Variants in ST3GAL2 observed in about 807,000 individuals in gnomAD.
ST3GAL2 encodes CMP-N-acetylneuraminate-beta-galactosamide-alpha-2,3-sialyltransferase 2.
A neutral mutation model predicts 37.5 loss-of-function variants in ST3GAL2; 16 were observed. The ratio of observed to expected loss-of-function variants is 0.43; its 90% CI spans 0.29 to 0.65. The LOEUF (loss-of-function observed/expected upper bound fraction) is 0.65. ST3GAL2 is among the 30% of genes least tolerant of loss of function. The pLI is 0.17. For missense variants in ST3GAL2, 383 were observed against 487.8 expected (o/e 0.79, Z 2.02); for synonymous variants, 238 against 202.9 (o/e 1.17, Z -1.47).
chr16:70,416,365 G>C (rs2047676773), intron 1 of ST3GAL2, among the ~76,000 whole-genome samples: 1 of 152,136 alleles, frequency 6.6e-6, no homozygotes, highest in Admixed American at 6.5e-5. Flanking sequence ...TCCCAAGCCA[G>C]AACTGGCCCA....
At chr16:70,394,642 C>T (rs894983514) in intron 3 of ST3GAL2, among the ~76,000 whole-genome samples, 8 of 152,150 alleles carry the variant, frequency 5.3e-5, no homozygotes, top group East Asian at 1.9e-4. Flanking sequence ...CCTCTCAAAG[C>T]GCTGGAATTA....
intron 3 of ST3GAL2, among the ~76,000 whole-genome samples, chr16:70,392,756 G>A (rs1361845193): frequency 3.3e-5 from 5 of 152,190 alleles, no homozygotes; most frequent in Admixed American, 6.5e-5. Flanking sequence ...ACTTGGATAT[G>A]TCTACAATTG....
At chr16:70,381,985 C>T (rs1441227338) in intron 6 of ST3GAL2, 123 bp from the exon 7 acceptor site, 3 of 1,306,282 alleles carry the variant, frequency 2.3e-6, no homozygotes, top group African/African-American at 2.9e-5. Flanking sequence ...AGCCCCCAGG[C>T]CTGGCCTAAG....
intron 1 of ST3GAL2, among the ~76,000 whole-genome samples, chr16:70,425,445 G>A (rs534581588): frequency 6.6e-6 from 1 of 152,054 alleles, no homozygotes; most frequent in South Asian, 2.1e-4. Flanking sequence ...CTGGGTGACA[G>A]AGTGAGACTC....
At chr16:70,400,172 G>C (rs1348131645) in intron 1 of ST3GAL2, 1 of 152,302 alleles carries the variant, frequency 6.6e-6, no homozygotes, top group Admixed American at 6.5e-5. Context: ...TGTACATTAT[G>C]GACAAAGTGA....
chr16:70,387,068 A>C (rs1212025410), intron 4 of ST3GAL2, among the ~76,000 whole-genome samples: 1 of 151,590 alleles, frequency 6.6e-6, no homozygotes, highest in Non-Finnish European at 1.5e-5. Context: ...AGCCTGGCCA[A>C]CATAGCGAAA....
chr16:70,388,450 G>A lies in ST3GAL2; in HGVS notation c.630C>T (p.Ala210=). 6.2e-7 allele frequency: 1 copy of A among 1,614,154 alleles called. No individual in the cohort carries two copies. Among genetic ancestry groups the A allele is most frequent in the South Asian group, 1.1e-5 (1 of 91,082 alleles). Residue 210 remains alanine (A), a synonymous_variant, in exon 4 of 7, where the codon GCC becomes GCT. Transcript: ENST00000342907. ...MYPESAKNLP[A]NVSFVLVPFK... Reference sequence around the variant, plus strand: ...AGGGCACCAGCACGAAGCTGACGTTGGCGGGCAGGTTCTTGGCACTCTCAG... The same window carrying A: ...AGGGCACCAGCACGAAGCTGACGTTAGCGGGCAGGTTCTTGGCACTCTCAG...
rs2047363775 is a variant in ST3GAL2 at position 70,378,155 on chromosome 16, G to GGT, written c.*3532_*3533dup. 6.6e-6 allele frequency: 1 copy of GGT among 152,092 alleles called. No homozygotes were observed. The highest frequency in any genetic ancestry group is 2.4e-5 in the African/African-American group (1 of 41,402). The allele number at this position is 152,092 out of a possible 1,614,324, so 9.4% of individuals were successfully genotyped here. ...AGTTTTAAAAATCTATTATGGGCTG[G>GGT]GTGTGGTCAAACATTGGGAGGCCAA... On this transcript the variant is annotated 3_prime_UTR_variant, in exon 7 of 7. Coordinates refer to ENST00000342907, the MANE Select transcript of ST3GAL2 (RefSeq NM_006927.4).
intron 3 of ST3GAL2, among the ~76,000 whole-genome samples, chr16:70,392,235 G>A (rs919853587): frequency 1.3e-5 from 2 of 152,220 alleles, no homozygotes; most frequent in African/African-American, 4.8e-5. Context: ...AGCCTCCAAG[G>A]GAAAGGGAAG....
At chr16:70,425,941 G>A (rs989346628) in intron 1 of ST3GAL2, among the ~76,000 whole-genome samples, 8 of 152,158 alleles carry the variant, frequency 5.3e-5, no homozygotes, top group African/African-American at 1.9e-4. Flanking sequence ...GATGGTGAGG[G>A]AGGCCCTGAC....
At chr16:70,426,319 G>T (rs562927623) in intron 1 of ST3GAL2, among the ~76,000 whole-genome samples, 1 of 147,034 alleles carries the variant, frequency 6.8e-6, no homozygotes, top group African/African-American at 2.5e-5. Context: ...TCAGCCTCCC[G>T]AGTAGCTGGG....
At chr16:70,422,099 T>G (rs1316167667) in intron 1 of ST3GAL2, among the ~76,000 whole-genome samples, 1 of 152,146 alleles carries the variant, frequency 6.6e-6, no homozygotes, top group Admixed American at 6.5e-5. Context: ...GATGGACCAA[T>G]GCTGGAGGAC....
At chr16:70,426,088 A>G (rs948361468) in intron 1 of ST3GAL2, among the ~76,000 whole-genome samples, 1 of 152,114 alleles carries the variant, frequency 6.6e-6, no homozygotes, top group Non-Finnish European at 1.5e-5. Flanking sequence ...AGTCCTCAGG[A>G]AAAAAGAACA....
intron 1 of ST3GAL2, among the ~76,000 whole-genome samples, chr16:70,433,928 C>G (rs917583778): frequency 6.6e-6 from 1 of 152,210 alleles, no homozygotes; most frequent in East Asian, 1.9e-4. Context: ...GGCCTGCACA[C>G]CCCCTCCAGC....
rs1274201564 is a variant in ST3GAL2 at position 70,381,389 on chromosome 16, TGAGG to T, written c.*296_*299del. On this transcript the variant is annotated 3_prime_UTR_variant, in exon 7 of 7. Coordinates refer to ENST00000342907, the MANE Select transcript of ST3GAL2 (RefSeq NM_006927.4). ...TGAAAGAAAACCCTAACCCAAAGCA[TGAGG>T]GAGTGGGGATTGAGCGGCCGCTGGC... is the stretch of plus-strand genomic sequence containing the variant. The T allele has an allele frequency of 1.1e-5, 4 of 357,716 alleles. No homozygotes were observed. Among genetic ancestry groups the T allele is most frequent in the Non-Finnish European group, 2.1e-5 (4 of 192,890 alleles). The allele number at this position is 357,716 out of a possible 1,614,324, so 22.2% of individuals were successfully genotyped here.
chr16:70,382,427 C>T (rs145741340), intron 6 of ST3GAL2, among the ~76,000 whole-genome samples: 2 of 152,176 alleles, frequency 1.3e-5, no homozygotes, highest in East Asian at 3.9e-4. Flanking sequence ...AGATTACAGG[C>T]GTGCCCCAAC....
At chr16:70,429,858 G>A (rs2047777487) in intron 1 of ST3GAL2, among the ~76,000 whole-genome samples, 2 of 151,978 alleles carry the variant, frequency 1.3e-5, no homozygotes. Flanking sequence ...GGCCAGGCTG[G>A]TCTTGAACTC....
chr16:70,406,637 C>T (rs577834046), intron 1 of ST3GAL2, among the ~76,000 whole-genome samples: 1 of 151,342 alleles, frequency 6.6e-6, no homozygotes, highest in Non-Finnish European at 1.5e-5. Flanking sequence ...CAAAAATTAG[C>T]TGGGTGTGGT....
chr16:70,387,177 A>G (rs2047449108), intron 4 of ST3GAL2, among the ~76,000 whole-genome samples: 1 of 152,092 alleles, frequency 6.6e-6, no homozygotes, highest in South Asian at 2.1e-4. Context: ...AATCACTTGA[A>G]CCTGGGAGGC....
Sources: gnomAD v4.1 joint callset for allele counts (sites outside exome capture counted in the v4.1 genomes callset) on GRCh38, gnomAD v4.1.1 for gene constraint, MANE v1.5 for transcripts, NCBI Gene and HGNC (gene_info 2026-07-23, HGNC 2026-07-21) for gene names.